Variants in ATP8A1 observed in about 807,000 individuals in gnomAD.
The protein encoded by ATP8A1 is phospholipid-transporting ATPase IA.
A neutral mutation model predicts 177.7 loss-of-function variants in ATP8A1; 90 were observed. The ratio of observed to expected loss-of-function variants is 0.51; its 90% confidence interval spans 0.43 to 0.60. The LOEUF (loss-of-function observed/expected upper bound fraction) is 0.60. Ranked by LOEUF, ATP8A1 falls within the 20% of genes least tolerant of loss-of-function variation. The probability of loss-of-function intolerance (pLI) is 0.00; values close to 1 mark genes in which losing one functional copy is unlikely to be tolerated. For missense variants in ATP8A1, 1,072 were observed against 1,392.8 expected, an observed-to-expected ratio of 0.77 and a Z score of 3.67; for synonymous variants, 493 against 485.9, an observed-to-expected ratio of 1.01 and a Z score of -0.19.
chr4:42,596,654 G>C (rs1439342282), intron 6 of ATP8A1, among the ~76,000 whole-genome samples: 1 of 134,310 alleles, frequency 7.4e-6, no homozygotes, highest in Non-Finnish European at 1.5e-5. Context: ...GCAACAGAGC[G>C]AGACTCCATC....
chr4:42,507,791 A>C (rs1281834753), intron 22 of ATP8A1, among the ~76,000 whole-genome samples: 76 of 139,468 alleles, frequency 5.4e-4, no homozygotes, highest in African/African-American at 1.9e-3. Flanking sequence ...AAAAAAAAAA[A>C]AAAAAAAAAA....
chr4:42,513,548 C>G (rs558111199), intron 22 of ATP8A1, among the ~76,000 whole-genome samples: 15 of 151,970 alleles, frequency 9.9e-5, no homozygotes, highest in African/African-American at 3.4e-4. Flanking sequence ...GGAGGTGATT[C>G]CAAATGAGAA....
At chr4:42,588,026 A>G (rs73164779) in intron 8 of ATP8A1, among the ~76,000 whole-genome samples, 6,320 of 152,316 alleles carry the variant, frequency 0.041, 173 homozygotes, top group African/African-American at 0.076. Flanking sequence ...GCTATTACAT[A>G]ATTAAAAATA....
At position 42,462,348 on chromosome 4, in the gene ATP8A1, G is replaced by A. The variant is rs139939649; in HGVS notation, c.2619+2342C>T. Reference sequence around the variant, plus strand: ...TCTGGGCCAGGCCCAGGGTACACTCGTGCTGTGTGCAGCCAAGAGACTTGG... The same window carrying A: ...TCTGGGCCAGGCCCAGGGTACACTCATGCTGTGTGCAGCCAAGAGACTTGG... On this transcript the variant is annotated intron_variant, in intron 27 of 36. Coordinates refer to ENST00000381668, the MANE Select transcript of ATP8A1 (RefSeq NM_006095.2). 3.6e-3 allele frequency among the ~76,000 whole-genome samples: 554 copies of A among 152,320 alleles called. 1 individual carries two copies. Among genetic ancestry groups the A allele is most frequent in the African/African-American group, 0.013 (529 of 41,582 alleles).
intron 27 of ATP8A1, among the ~76,000 whole-genome samples, chr4:42,456,956 C>T (rs949039856): frequency 6.6e-6 from 1 of 152,154 alleles, no homozygotes; most frequent in African/African-American, 2.4e-5. Flanking sequence ...TTCCTTTTTA[C>T]AGTGGAAAGG....
At chr4:42,510,830 A>C (rs185790736) in intron 22 of ATP8A1, among the ~76,000 whole-genome samples, 32 of 152,350 alleles carry the variant, frequency 2.1e-4, no homozygotes, top group African/African-American at 7.5e-4. Flanking sequence ...AAAGAAGGAA[A>C]GCATCTAGTT....
chr4:42,480,524 A>G (rs993676729), intron 25 of ATP8A1, among the ~76,000 whole-genome samples: 1 of 152,230 alleles, frequency 6.6e-6, no homozygotes, highest in Admixed American at 6.5e-5. Flanking sequence ...CCTTAAAGGA[A>G]TGTCTGTTGA....
intron 19 of ATP8A1, among the ~76,000 whole-genome samples, chr4:42,546,872 C>T (rs1000594365): frequency 6.6e-6 from 1 of 152,174 alleles, no homozygotes; most frequent in African/African-American, 2.4e-5. Context: ...CTGTCCTCTA[C>T]ATCTTTAACA....
intron 27 of ATP8A1, among the ~76,000 whole-genome samples, chr4:42,462,565 A>G (rs775283071): frequency 2.6e-5 from 4 of 152,246 alleles, no homozygotes; most frequent in Non-Finnish European, 4.4e-5. Context: ...AAATGCCTGG[A>G]TGCCCAGGCA....
intron 33 of ATP8A1, among the ~76,000 whole-genome samples, chr4:42,434,738 A>G (rs750372469): frequency 6.8e-4 from 104 of 152,282 alleles, no homozygotes; most frequent in Non-Finnish European, 5.4e-4. Context: ...AATGTCTAAG[A>G]AGGAGCCTCA....
At chr4:42,457,454 T>C (rs1443819300) in intron 27 of ATP8A1, among the ~76,000 whole-genome samples, 2 of 152,234 alleles carry the variant, frequency 1.3e-5, no homozygotes, top group Non-Finnish European at 2.9e-5. Context: ...GATGGAAATA[T>C]AAGGAATTTC....
Position 42,631,716 on chromosome 4 carries a change from C to T in ATP8A1, c.50-4607G>A, listed in dbSNP as rs896574667. Among the ~76,000 whole-genome samples the T allele has an allele frequency of 5.3e-5, 8 of 152,172 alleles. 1 individual carries two copies. In the South Asian group the frequency reaches 1.2e-3, roughly 24 times the overall value. ...TACCCCTTCCTTGACCATCTCCATA[C>T]CCATTTCCACCTTCGAACACAAATT... On this transcript the variant is annotated intron_variant, in intron 1 of 36. Transcript: ENST00000381668.
intron 20 of ATP8A1, among the ~76,000 whole-genome samples, chr4:42,536,727 TC>T (rs1237310466): frequency 6.6e-6 from 1 of 152,068 alleles, no homozygotes; most frequent in Non-Finnish European, 1.5e-5. Context: ...CAGCAGCATA[TC>T]AAAAAGATAA....
At chr4:42,550,390 GAATA>G (rs1729386458) in intron 18 of ATP8A1, among the ~76,000 whole-genome samples, 1 of 152,130 alleles carries the variant, frequency 6.6e-6, no homozygotes, top group Admixed American at 6.5e-5. Flanking sequence ...TGGCTACTCT[GAATA>G]AAGCTGATAG....
At chr4:42,509,162 T>G (rs1013231944) in intron 22 of ATP8A1, among the ~76,000 whole-genome samples, 5 of 152,242 alleles carry the variant, frequency 3.3e-5, no homozygotes, top group African/African-American at 1.2e-4. Flanking sequence ...CCTCAACTCA[T>G]TCTCCTGACC....
At chr4:42,558,839 T>C (rs1262495455) in intron 15 of ATP8A1, among the ~76,000 whole-genome samples, 3 of 152,174 alleles carry the variant, frequency 2.0e-5, no homozygotes, top group African/African-American at 7.2e-5. Context: ...ACATAATATA[T>C]AAATCTGACT....
intron 35 of ATP8A1, among the ~76,000 whole-genome samples, chr4:42,420,918 G>A (rs1560304560): frequency 2.0e-5 from 3 of 151,850 alleles, no homozygotes; most frequent in African/African-American, 2.4e-5. Flanking sequence ...ACAGGCGCCC[G>A]CCACCACGCC....
chr4:42,637,245 A>G (rs967809202), intron 1 of ATP8A1: 1 of 517,598 alleles, frequency 1.9e-6, no homozygotes, highest in South Asian at 1.4e-5. Flanking sequence ...ACCTTCCCCA[A>G]CAGGCCCTAC....
At chr4:42,640,721 C>G (rs1364678892) in intron 1 of ATP8A1, among the ~76,000 whole-genome samples, 1 of 152,102 alleles carries the variant, frequency 6.6e-6, no homozygotes, top group Non-Finnish European at 1.5e-5. Flanking sequence ...GCCTGTGAGC[C>G]CTTCTGAAAG....
Sources: allele counts gnomAD v4.1 joint callset (sites outside exome capture counted in the v4.1 genomes callset), GRCh38; gene constraint gnomAD v4.1.1; transcripts MANE v1.5; gene names NCBI Gene and HGNC (gene_info 2026-07-23, HGNC 2026-07-21).